The following PCNX2 variants were observed in gnomAD, a reference collection of about 807,000 sequenced individuals.
PCNX2 encodes the protein pecanex-like protein 2.
PCNX2 carries 168 observed loss-of-function variants against 223.8 expected under a neutral mutation model. That is an observed-to-expected ratio of 0.75 (90% CI 0.66 to 0.85). The LOEUF (loss-of-function observed/expected upper bound fraction) is 0.85, where lower values mean the gene tolerates loss of function less well. Among genes scored for constraint, PCNX2 ranks in the 40% least tolerant of loss-of-function variants. The probability of loss-of-function intolerance (pLI) is 0.00; values close to 1 mark genes in which losing one functional copy is unlikely to be tolerated. For synonymous variants in PCNX2, 1,006 were observed against 1,052.6 expected (o/e 0.96, Z 0.86); for missense variants, 2,507 against 2,675.5 (o/e 0.94, Z 1.39).
At chr1:233,202,328 T>C in intron 13 of PCNX2, 1 of 360,200 alleles carries the variant, frequency 2.8e-6, no homozygotes, top group Non-Finnish European at 5.7e-6. Context: ...ACTTCTTATT[T>C]TCCTTAATAA....
intron 8 of PCNX2, among the ~76,000 whole-genome samples, chr1:233,249,602 G>A (rs535972374): frequency 7.9e-5 from 12 of 152,342 alleles, no homozygotes; most frequent in Admixed American, 2.6e-4. Context: ...CATGGTACCT[G>A]AGGGAAAAGG....
intron 15 of PCNX2, among the ~76,000 whole-genome samples, chr1:233,189,743 G>A (rs1025417947): frequency 5.9e-5 from 9 of 152,100 alleles, no homozygotes; most frequent in African/African-American, 1.9e-4. Context: ...ATAATAATGT[G>A]CTTCAACCTC....
intron 28 of PCNX2, among the ~76,000 whole-genome samples, chr1:233,007,015 C>T (rs752555937): frequency 6.6e-5 from 10 of 152,072 alleles, no homozygotes; most frequent in Admixed American, 2.0e-4. Context: ...ACACTGGTTT[C>T]GCAGTCAATC....
intron 19 of PCNX2, among the ~76,000 whole-genome samples, chr1:233,144,506 C>T (rs1374746836): frequency 2.6e-5 from 4 of 152,090 alleles, no homozygotes; most frequent in Admixed American, 2.6e-4. Flanking sequence ...GCAGATGGTA[C>T]CAGAGAGTTC....
At chr1:233,053,458 C>T (rs954658247) in intron 25 of PCNX2, among the ~76,000 whole-genome samples, 2 of 152,156 alleles carry the variant, frequency 1.3e-5, no homozygotes, top group Non-Finnish European at 2.9e-5. Context: ...ATAGCACCTG[C>T]TCCAAGCTAT....
intron 5 of PCNX2, among the ~76,000 whole-genome samples, chr1:233,254,275 C>A (rs1408022162): frequency 6.6e-6 from 1 of 152,142 alleles, no homozygotes; most frequent in Admixed American, 6.5e-5. Flanking sequence ...GACAGCCTGT[C>A]AAGATAGAAG....
At chr1:233,025,008 G>A in intron 26 of PCNX2, 138 bp downstream of exon 26, 8 of 1,185,080 alleles carry the variant, frequency 6.8e-6, no homozygotes, top group Non-Finnish European at 9.4e-6. Flanking sequence ...AAAAGCAATG[G>A]TTCCCCAGAT....
chr1:233,225,295 T>C (rs1572108283), intron 10 of PCNX2, among the ~76,000 whole-genome samples: 1 of 152,182 alleles, frequency 6.6e-6, no homozygotes, highest in South Asian at 2.1e-4. Context: ...GCAACTAATA[T>C]TTAAAGAACT....
the PCNX2 span, among the ~76,000 whole-genome samples, chr1:233,321,872 C>G: frequency 4.5e-4 from 68 of 152,224 alleles, no homozygotes; most frequent in Non-Finnish European, 8.2e-4. Flanking sequence ...GTGCAAATGT[C>G]AACAGAGTGA....
rs184927351 is a variant in PCNX2 at position 233,275,676 on chromosome 1, T to C, written c.154-12513A>G. ...CTTTTGGGTATACATGCAAAAGAAA[T>C]GAAAGCATGGTCTCAAAGAGATACT... On this transcript the variant is annotated intron_variant, in intron 1 of 33. Transcript: ENST00000258229. Among the ~76,000 whole-genome samples the C allele has an allele frequency of 3.3e-4, 50 of 152,232 alleles. 1 individual carries two copies. In the South Asian group the frequency reaches 6.6e-3, roughly 20 times the overall value.
chr1:233,072,326 G>C (rs1672892997), intron 23 of PCNX2, among the ~76,000 whole-genome samples: 1 of 152,212 alleles, frequency 6.6e-6, no homozygotes, highest in Admixed American at 6.5e-5. Flanking sequence ...TGCATATGGT[G>C]TAAGGAAGGG....
At chr1:233,318,619 G>A in the PCNX2 span, among the ~76,000 whole-genome samples, 1 of 141,710 alleles carries the variant, frequency 7.1e-6, no homozygotes, top group East Asian at 2.1e-4. Context: ...GCTGGAGTGC[G>A]GTAATGCAAT....
intron 1 of PCNX2, among the ~76,000 whole-genome samples, chr1:233,263,506 A>C (rs1343598178): frequency 7.1e-6 from 1 of 141,612 alleles, no homozygotes; most frequent in East Asian, 2.1e-4. Context: ...CCCAGGCTTG[A>C]GTGCAGTGGC....
chr1:233,283,594 TC>T (rs1188641639), intron 1 of PCNX2, among the ~76,000 whole-genome samples: 1 of 151,870 alleles, frequency 6.6e-6, no homozygotes, highest in Non-Finnish European at 1.5e-5. Context: ...CATTTGAACA[TC>T]AAAAAGAATG....
intron 8 of PCNX2, among the ~76,000 whole-genome samples, chr1:233,243,609 G>T (rs1658917235): frequency 6.6e-6 from 1 of 152,154 alleles, no homozygotes; most frequent in South Asian, 2.1e-4. Context: ...CTAGAGGAAA[G>T]GCTTCCATCT....
intron 21 of PCNX2, among the ~76,000 whole-genome samples, chr1:233,128,029 G>T (rs1291254426): frequency 6.6e-6 from 1 of 152,178 alleles, no homozygotes. Context: ...ACGCCATTTA[G>T]AAACTTCAAT....
chr1:233,226,831 G>C (rs531947696), intron 10 of PCNX2, among the ~76,000 whole-genome samples: 354 of 152,252 alleles, frequency 2.3e-3, no homozygotes, highest in Non-Finnish European at 3.4e-3. Context: ...ACCCAGTCAA[G>C]CCAGGCCCTG....
chr1:233,109,468 AG>A (rs1258126026), intron 21 of PCNX2, among the ~76,000 whole-genome samples: 15 of 152,228 alleles, frequency 9.9e-5, no homozygotes, highest in African/African-American at 3.6e-4. Flanking sequence ...CTCCGCAGAG[AG>A]ATGGAAACTA....
chr1:233,080,385 TACACACACACACACAA>T (rs1317924984), intron 23 of PCNX2, among the ~76,000 whole-genome samples: 1 of 141,110 alleles, frequency 7.1e-6, no homozygotes, highest in African/African-American at 2.9e-5. Flanking sequence ...TTTTCATCCA[TACACACACACACACAA>T]ACACACACAC....
Sources: allele counts gnomAD v4.1 joint callset (sites outside exome capture counted in the v4.1 genomes callset), GRCh38; gene constraint gnomAD v4.1.1; transcripts MANE v1.5; gene names NCBI Gene and HGNC (gene_info 2026-07-23, HGNC 2026-07-21).